PAK1: variants seen among roughly 807,000 people sequenced by gnomAD.
The protein encoded by PAK1 is serine/threonine-protein kinase PAK 1.
In PAK1, 29 loss-of-function variants were observed where a neutral mutation model predicts 67.4. The ratio of observed to expected loss-of-function variants is 0.43; its 90% CI spans 0.32 to 0.59. The LOEUF (loss-of-function observed/expected upper bound fraction) is 0.59, where lower values mean the gene tolerates loss of function less well. Among genes scored for constraint, PAK1 ranks in the 20% least tolerant of loss-of-function variants. The probability of loss-of-function intolerance (pLI) is 0.07; values close to 1 mark genes in which losing one functional copy is unlikely to be tolerated. For missense variants in PAK1, 337 were observed against 670.7 expected (o/e 0.50, Z 5.50); for synonymous variants, 223 against 237.4 (o/e 0.94, Z 0.56).
Position 77,353,678 on chromosome 11 carries a change from G to A in PAK1, c.773-79C>T, listed in dbSNP as rs920394344. On this transcript the variant is annotated intron_variant, in intron 7 of 14. Coordinates refer to ENST00000356341, the MANE Select transcript of PAK1 (RefSeq NM_002576.5). ...AAGGTTCCACATTTCCCCAACCCCTGTAGCTGGCAAGGGTTAAAGAACTAC... is the reference window on the plus strand; with the variant it reads ...AAGGTTCCACATTTCCCCAACCCCTATAGCTGGCAAGGGTTAAAGAACTAC... The A allele has an allele frequency of 2.6e-5, 29 of 1,117,168 alleles. No individual in the cohort carries two copies. In the African/African-American group the frequency reaches 4.1e-4, roughly 16 times the overall value. 69.2% of individuals were successfully genotyped at this position (1,117,168 alleles called of 1,614,324 possible).
At chr11:77,325,203 C>A in intron 14 of PAK1, 2 of 1,122,988 alleles carry the variant, frequency 1.8e-6, no homozygotes, top group Non-Finnish European at 2.5e-6. Flanking sequence ...GTCTAATAAA[C>A]AAAACAGACT....
the PAK1 span, among the ~76,000 whole-genome samples, chr11:77,494,356 A>G: frequency 1.1e-4 from 17 of 152,244 alleles, no homozygotes; most frequent in African/African-American, 4.1e-4. Flanking sequence ...TGCTAAATGT[A>G]AAACAAAAAC....
chr11:77,374,290 C>T (rs752374979), intron 5 of PAK1, 38 bp downstream of exon 5: 2 of 1,397,284 alleles, frequency 1.4e-6, no homozygotes, highest in Non-Finnish European at 2.0e-6. Context: ...CTTACCTCCA[C>T]ATCTGCCCAC....
At chr11:77,367,372 A>G (rs1359784162) in intron 5 of PAK1, among the ~76,000 whole-genome samples, 2 of 152,202 alleles carry the variant, frequency 1.3e-5, no homozygotes. Context: ...CCTCTAACAT[A>G]AAAGTGTGAA....
chr11:77,352,984 G>T, intron 8 of PAK1: 1 of 152,522 alleles, frequency 6.6e-6, no homozygotes, highest in East Asian at 1.9e-4. Flanking sequence ...CTGTTGACTT[G>T]AGGTCCTTGG....
At chr11:77,498,267 C>T in the PAK1 span, among the ~76,000 whole-genome samples, 2 of 152,248 alleles carry the variant, frequency 1.3e-5, no homozygotes, top group East Asian at 1.9e-4. Context: ...TCTGAACTAT[C>T]GTTCTATGCT....
At chr11:77,523,994 T>G in the PAK1 span, among the ~76,000 whole-genome samples, 899 of 152,268 alleles carry the variant, frequency 5.9e-3, 11 homozygotes, top group African/African-American at 0.019. Context: ...AGAAAGGTTC[T>G]TTTACAGCAA....
At chr11:77,406,221 C>T (rs1181779077) in intron 1 of PAK1, among the ~76,000 whole-genome samples, 1 of 152,184 alleles carries the variant, frequency 6.6e-6, no homozygotes, top group Non-Finnish European at 1.5e-5. Context: ...AAGTTTTGAT[C>T]TCTAGACCAA....
chr11:77,372,640 GA>G (rs1565629728), intron 5 of PAK1, among the ~76,000 whole-genome samples: 1 of 152,112 alleles, frequency 6.6e-6, no homozygotes, highest in Non-Finnish European at 1.5e-5. Flanking sequence ...TCACCTTTAA[GA>G]TAAGTCAAAC....
the PAK1 span, among the ~76,000 whole-genome samples, chr11:77,504,188 C>T: frequency 6.6e-5 from 10 of 151,986 alleles, no homozygotes; most frequent in East Asian, 1.9e-4. Context: ...CCACTGCACC[C>T]GGCCCCTATT....
chr11:77,339,986 C>T (rs1199136991), intron 11 of PAK1, among the ~76,000 whole-genome samples: 1 of 152,150 alleles, frequency 6.6e-6, no homozygotes, highest in Non-Finnish European at 1.5e-5. Context: ...TGGTTATTCC[C>T]TGAGGACACT....
intron 8 of PAK1, among the ~76,000 whole-genome samples, chr11:77,350,987 G>A (rs1302842929): frequency 6.6e-6 from 1 of 152,096 alleles, no homozygotes; most frequent in African/African-American, 2.4e-5. Flanking sequence ...TTACAAAGTT[G>A]TAGAAAGCTA....
chr11:77,408,258 G>C (rs2137928498), intron 1 of PAK1: 1 of 152,234 alleles, frequency 6.6e-6, no homozygotes, highest in Non-Finnish European at 1.5e-5. Flanking sequence ...GCATAGAGTA[G>C]ATGGTTCAGA....
At chr11:77,500,995 C>T in the PAK1 span, among the ~76,000 whole-genome samples, 5 of 151,614 alleles carry the variant, frequency 3.3e-5, no homozygotes, top group Admixed American at 6.6e-5. Flanking sequence ...AACCCAATCC[C>T]GGGTAATTAG....
In PAK1 at chr11:77,355,600, A is replaced by T. The variant is rs577219173; in HGVS notation, c.772+68T>A. ...GCCAGCTGCATGGACCAAGCCTACG[A>T]CCAGCAAATCTCTGTGCTTGACCAG... On this transcript the variant is annotated intron_variant, in intron 7 of 14. Coordinates refer to ENST00000356341, the MANE Select transcript of PAK1 (RefSeq NM_002576.5). 4 of 1,343,604 alleles carry T rather than the reference A, an allele frequency of 3.0e-6. No homozygotes were observed. The South Asian group carries it at 5.1e-5, about 17-fold the overall frequency. 83.2% of individuals were successfully genotyped at this position (1,343,604 alleles called of 1,614,324 possible).
rs1357605145 is a variant in PAK1, at chr11:77,381,729, G to A, written c.191-1735C>T. Among the ~76,000 whole-genome samples the A allele has an allele frequency of 2.6e-5, 4 of 152,190 alleles. No homozygotes were observed. The East Asian group carries it at 5.8e-4, about 22-fold the overall frequency. ...CTACTACTGTCATTTTACAGATGAG[G>A]AAACTGAGTAATTTACTCATACAGC... On this transcript the variant is annotated intron_variant, in intron 2 of 14. Coordinates refer to ENST00000356341, the MANE Select transcript of PAK1 (RefSeq NM_002576.5).
intron 7 of PAK1, among the ~76,000 whole-genome samples, chr11:77,354,053 C>A (rs571942436): frequency 1.7e-4 from 25 of 151,456 alleles, no homozygotes; most frequent in South Asian, 4.2e-4. Context: ...CACACACACA[C>A]AAAAAAAAGA....
intron 1 of PAK1, among the ~76,000 whole-genome samples, chr11:77,457,605 C>G (rs1354318564): frequency 1.3e-5 from 2 of 152,146 alleles, no homozygotes; most frequent in Admixed American, 6.5e-5. Flanking sequence ...CAACAATTGG[C>G]TGACCTGAAG....
At chr11:77,522,337 G>C in the PAK1 span, among the ~76,000 whole-genome samples, 1 of 152,212 alleles carries the variant, frequency 6.6e-6, no homozygotes, top group African/African-American at 2.4e-5. Context: ...GGACTGTGTA[G>C]ACAAGGGTGT....
Sources: allele counts gnomAD v4.1 joint callset (sites outside exome capture counted in the v4.1 genomes callset), GRCh38; gene constraint gnomAD v4.1.1; transcripts MANE v1.5; gene names NCBI Gene and HGNC (gene_info 2026-07-23, HGNC 2026-07-21).